Variants in DDX60L observed in about 807,000 individuals in gnomAD.
The protein encoded by DDX60L is probable ATP-dependent RNA helicase DDX60-like.
Under a neutral mutation model 211.6 loss-of-function variants are expected in DDX60L, and 191 were observed. The ratio of observed to expected loss-of-function variants is 0.90; its 90% confidence interval spans 0.80 to 1.02. The LOEUF is 1.02. DDX60L is among the 50% of genes least tolerant of loss of function. The pLI, the probability that DDX60L is intolerant of heterozygous loss-of-function variation, is 0.00. For missense variants in DDX60L, 2,007 were observed against 1,984.1 expected (o/e 1.01, Z -0.22); for synonymous variants, 706 against 694.1 (o/e 1.02, Z -0.27).
At position 168,379,369 on chromosome 4, in the gene DDX60L, A is replaced by G; in HGVS notation, c.4357T>C (p.Trp1453Arg). Residue 1453 changes from tryptophan (W) to arginine (R), a missense_variant, in exon 32 of 38, where the codon TGG (tryptophan) becomes CGG (arginine). Trp to Arg is a moderately radical substitution (Grantham distance 101). Transcript: ENST00000682922. Reference sequence around the variant, plus strand: ...GTATAAAACCCAAGCTTACCTTTCCAGGCTGGCTTACAGAGATTATGGAAA... The same window carrying G: ...GTATAAAACCCAAGCTTACCTTTCCGGGCTGGCTTACAGAGATTATGGAAA... ...GLFHNLCKPA[W>R]KGSQQFSQDV... The G allele has an allele frequency of 6.4e-7, 1 of 1,569,836 alleles. No individual in the cohort carries two copies. The highest frequency in any genetic ancestry group is 2.3e-5 in the East Asian group (1 of 43,538).
At chr4:168,440,423 A>G (rs147833186) in intron 10 of DDX60L, among the ~76,000 whole-genome samples, 2 of 152,358 alleles carry the variant, frequency 1.3e-5, no homozygotes, top group South Asian at 2.1e-4. Flanking sequence ...AAGAATATTC[A>G]TAACAGTTTT....
At position 168,383,887 on chromosome 4, in the gene DDX60L, C is replaced by A. The variant is rs956440850; in HGVS notation, c.4116+725G>T. Among the ~76,000 whole-genome samples, 4 of 152,122 alleles carry A rather than the reference C, an allele frequency of 2.6e-5. No individual in the cohort carries two copies. In the South Asian group the frequency reaches 8.3e-4, roughly 32 times the overall value. On this transcript the variant is annotated intron_variant, in intron 30 of 37. Transcript: ENST00000682922. ...TATTGATCCTAGGTGTGTCTTTGAG[C>A]GTGTTGCCAAAGGAGATTAACATTT...
intron 22 of DDX60L, among the ~76,000 whole-genome samples, chr4:168,407,234 T>C (rs1747903466): frequency 6.6e-6 from 1 of 152,182 alleles, no homozygotes; most frequent in Non-Finnish European, 1.5e-5. Context: ...GCAAAGACCC[T>C]CAGACAACCT....
chr4:168,378,246 A>G, intron 33 of DDX60L, 108 bp downstream of exon 33: 1 of 582,446 alleles, frequency 1.7e-6, no homozygotes. Context: ...CTATTAAAAC[A>G]AATGGAGTAG....
chr4:168,434,887 G>C (rs1752830916), intron 10 of DDX60L, among the ~76,000 whole-genome samples: 1 of 152,118 alleles, frequency 6.6e-6, no homozygotes, highest in Admixed American at 6.5e-5. Flanking sequence ...TTGGAGAAAA[G>C]GCTAAATCCC....
At chr4:168,415,280 TAAAAG>T (rs1412605902) in intron 22 of DDX60L, 123 bp downstream of exon 22, 1 of 467,624 alleles carries the variant, frequency 2.1e-6, no homozygotes, top group African/African-American at 2.0e-5. Flanking sequence ...ATGAATAAAA[TAAAAG>T]AATCAGTAAA....
intron 1 of DDX60L, among the ~76,000 whole-genome samples, chr4:168,477,370 A>T (rs1202672077): frequency 6.6e-6 from 1 of 151,814 alleles, no homozygotes; most frequent in Non-Finnish European, 1.5e-5. Context: ...AGCCGAGATC[A>T]CGCCACTGCA....
intron 29 of DDX60L, 37 bp from the exon 30 acceptor site, chr4:168,384,849 C>G: frequency 1.3e-6 from 2 of 1,572,238 alleles, no homozygotes; most frequent in Non-Finnish European, 1.7e-6. Context: ...AAAACCTCCA[C>G]AGATAATTAT....
chr4:168,432,587 A>G lies in DDX60L; in HGVS notation c.1401-17T>C. 6.9e-7 allele frequency: 1 copy of G among 1,442,794 alleles called. No homozygotes were observed. The highest frequency in any genetic ancestry group is 9.3e-7 in the Non-Finnish European group (1 of 1,075,108). The allele number at this position is 1,442,794 out of a possible 1,614,324, so 89.4% of individuals were successfully genotyped here. ...GGATCATCACTGTAAAAATAAATAC[A>G]TAATTTTTTTAAATTTTAAGCTTTT... is the stretch of plus-strand genomic sequence containing the variant. On this transcript the variant is annotated splice_polypyrimidine_tract_variant and intron_variant, in intron 11 of 37. Transcript: ENST00000682922.
chr4:168,381,900 T>C (rs4692923), intron 30 of DDX60L, among the ~76,000 whole-genome samples: 139,912 of 152,132 alleles, frequency 0.92, 65,462 homozygotes, highest in East Asian at 1. Flanking sequence ...TGAAAAACAA[T>C]AACAAAAACC....
chr4:168,472,648 A>G lies in DDX60L; in HGVS notation c.4+48T>C, dbSNP rs757662401. 6.2e-6 allele frequency: 10 copies of G among 1,607,602 alleles called. No individual in the cohort carries two copies. In the African/African-American group the frequency reaches 1.3e-4, roughly 22 times the overall value. The stretch of plus-strand genomic sequence containing the variant: ...TAACATTATTGAATCTGAATATCTT[A>G]CAAGATTGTTGCTTTATAGGCTACA... On this transcript the variant is annotated intron_variant, in intron 2 of 37. Coordinates refer to ENST00000682922, the MANE Select transcript of DDX60L (RefSeq NM_001012967.3).
At chr4:168,467,349 C>T (rs1230023173) in intron 4 of DDX60L, among the ~76,000 whole-genome samples, 1 of 150,126 alleles carries the variant, frequency 6.7e-6, no homozygotes, top group Non-Finnish European at 1.5e-5. Flanking sequence ...ACAGAGGTTA[C>T]AGTGTGCCAA....
chr4:168,451,504 G>C (rs1755795501), intron 8 of DDX60L, among the ~76,000 whole-genome samples: 1 of 152,112 alleles, frequency 6.6e-6, no homozygotes, highest in Non-Finnish European at 1.5e-5. Context: ...CAGTTTCAAA[G>C]CCTAAAGAAC....
At position 168,415,526 on chromosome 4, in the gene DDX60L, G is replaced by A. The variant is rs749893108; in HGVS notation, c.2870-9C>T. 41 of 1,518,956 alleles carry A rather than the reference G, an allele frequency of 2.7e-5. No homozygotes were observed. Among genetic ancestry groups the A allele is most frequent in the Middle Eastern group, 1.7e-4 (1 of 5,824 alleles). 94.1% of individuals were successfully genotyped at this position (1,518,956 alleles called of 1,614,324 possible). ...TCTCTCTCCACAGAGCACTAGATAC[G>A]AAGAGCAAGAATATCCAAATTAATG... is the stretch of plus-strand genomic sequence containing the variant. On this transcript the variant is annotated splice_polypyrimidine_tract_variant and intron_variant, in intron 21 of 37. Coordinates refer to ENST00000682922, the MANE Select transcript of DDX60L (RefSeq NM_001012967.3).
chr4:168,424,240 T>C (rs1247276593), intron 14 of DDX60L, among the ~76,000 whole-genome samples: 2 of 152,222 alleles, frequency 1.3e-5, no homozygotes, highest in African/African-American at 2.4e-5. Context: ...CTTGTATTTA[T>C]GAAACCATCA....
At chr4:168,451,774 C>T (rs1200282462) in intron 8 of DDX60L, among the ~76,000 whole-genome samples, 1 of 152,138 alleles carries the variant, frequency 6.6e-6, no homozygotes, top group African/African-American at 2.4e-5. Flanking sequence ...TTCTCCTACC[C>T]CCTCCTCAGC....
intron 19 of DDX60L, 33 bp downstream of exon 19, chr4:168,419,269 G>T: frequency 6.8e-7 from 1 of 1,471,148 alleles, no homozygotes; most frequent in Non-Finnish European, 9.3e-7. Flanking sequence ...ATGCAGACTA[G>T]AACATCAACC....
chr4:168,401,413 T>C (rs1315899111), intron 25 of DDX60L, among the ~76,000 whole-genome samples: 1 of 152,254 alleles, frequency 6.6e-6, no homozygotes, highest in Non-Finnish European at 1.5e-5. Context: ...CCTGCCTTTC[T>C]GGACCAAACC....
At chr4:168,465,425 A>AT (rs1757861537) in intron 4 of DDX60L, among the ~76,000 whole-genome samples, 1 of 152,028 alleles carries the variant, frequency 6.6e-6, no homozygotes, top group Non-Finnish European at 1.5e-5. Context: ...ACTGACAAAT[A>AT]TTCTTCCCAT....
Sources: gnomAD v4.1 joint callset for allele counts (sites outside exome capture counted in the v4.1 genomes callset) on GRCh38, gnomAD v4.1.1 for gene constraint, MANE v1.5 for transcripts, NCBI Gene and HGNC (gene_info 2026-07-23, HGNC 2026-07-21) for gene names.